Variants in PHACTR3 observed in about 807,000 individuals in gnomAD.
The protein encoded by PHACTR3 is protein phosphatase 1, regulatory subunit 123.
Under a neutral mutation model 66.8 loss-of-function variants are expected in PHACTR3, and 16 were observed. The ratio of observed to expected loss-of-function variants is 0.24; its 90% confidence interval spans 0.16 to 0.36. The LOEUF is 0.36. Among genes scored for constraint, PHACTR3 ranks in the 10% least tolerant of loss-of-function variants. The pLI is 1.00. For missense variants in PHACTR3, 647 were observed against 719.9 expected, an observed-to-expected ratio of 0.90 and a Z score of 1.16; for synonymous variants, 323 against 292.1, an observed-to-expected ratio of 1.11 and a Z score of -1.08.
At position 59,757,356 on chromosome 20, in the gene PHACTR3, G is replaced by A. The variant is rs138810750; in HGVS notation, c.541+1992G>A. ...TGGGTGTGCGGATGGGTTCCTGAGA[G>A]CAGAGTGGGTCTGTTGAGATTACAC... On this transcript the variant is annotated intron_variant, in intron 4 of 12. Coordinates refer to ENST00000371015, the MANE Select transcript of PHACTR3 (RefSeq NM_080672.5). Among the ~76,000 whole-genome samples the A allele has an allele frequency of 3.1e-4, 48 of 152,396 alleles. 1 individual carries two copies. In the East Asian group the frequency reaches 6.9e-3, roughly 22 times the overall value.
chr20:59,820,763 G>C lies in PHACTR3; in HGVS notation c.1328+14569G>C, dbSNP rs1387515726. Among the ~76,000 whole-genome samples, 2 of 152,186 alleles carry C rather than the reference G, an allele frequency of 1.3e-5. No homozygotes were observed. The highest frequency in any genetic ancestry group is 2.9e-5 in the Non-Finnish European group (2 of 68,036). ...GAGGATGGTACAGCATGTTTTGTAA[G>C]AAAATGCAAAACAACATCAACCCCC... On this transcript the variant is annotated intron_variant, in intron 8 of 12. Coordinates refer to ENST00000371015, the MANE Select transcript of PHACTR3 (RefSeq NM_080672.5). The surrounding 1 kb of genome is among the most constrained non-coding windows in gnomAD (Gnocchi z 4.6).
intron 1 of PHACTR3, among the ~76,000 whole-genome samples, chr20:59,635,097 C>CTT (rs2034800355): frequency 9.0e-5 from 11 of 122,738 alleles, no homozygotes; most frequent in East Asian, 2.5e-4. Flanking sequence ...TTCTTTCTTT[C>CTT]TCTCTCTTTC....
chr20:59,786,842 C>T (rs552732429), intron 7 of PHACTR3, among the ~76,000 whole-genome samples: 6 of 152,258 alleles, frequency 3.9e-5, no homozygotes, highest in East Asian at 3.9e-4. Flanking sequence ...GTCCATGGAG[C>T]GCTCTCTGTG....
intron 9 of PHACTR3, 75 bp from the exon 10 acceptor site, chr20:59,840,294 T>C (rs1400996309): frequency 1.3e-6 from 2 of 1,552,458 alleles, no homozygotes; most frequent in Non-Finnish European, 8.7e-7. Flanking sequence ...TTGGGAACAC[T>C]TCCCTGCTGA....
chr20:59,797,467 T>TA (rs1207798820), intron 7 of PHACTR3, among the ~76,000 whole-genome samples: 1 of 152,178 alleles, frequency 6.6e-6, no homozygotes, highest in Non-Finnish European at 1.5e-5. Context: ...TCTTCTAATT[T>TA]TACAGATTGG....
At chr20:59,601,061 A>T (rs911613682), upstream of PHACTR3, among the ~76,000 whole-genome samples, 4 of 152,134 alleles carry the variant, frequency 2.6e-5, no homozygotes, top group African/African-American at 4.8e-5. Flanking sequence ...AACCATCACC[A>T]TAATCTAATT....
chr20:59,626,255 CT>C (rs1385868247), intron 1 of PHACTR3, among the ~76,000 whole-genome samples: 1 of 152,154 alleles, frequency 6.6e-6, no homozygotes, highest in Non-Finnish European at 1.5e-5. Context: ...ATGTCTCTGC[CT>C]TCATGGAATG....
At chr20:59,723,964 T>C (rs1009577850) in intron 1 of PHACTR3, among the ~76,000 whole-genome samples, 2 of 152,100 alleles carry the variant, frequency 1.3e-5, no homozygotes, top group African/African-American at 2.4e-5. Context: ...GTTGGCTGCC[T>C]GGTCTGCATC....
chr20:59,629,498 C>T (rs577530614), intron 1 of PHACTR3, among the ~76,000 whole-genome samples: 1 of 152,198 alleles, frequency 6.6e-6, no homozygotes, highest in Non-Finnish European at 1.5e-5. Flanking sequence ...ATCAAGGTGC[C>T]AGCAGGGCGG....
chr20:59,578,423 A>G (rs1423311914), intron 1 of PHACTR3, among the ~76,000 whole-genome samples: 2 of 152,174 alleles, frequency 1.3e-5, no homozygotes, highest in Non-Finnish European at 2.9e-5. Context: ...CACTTATTAC[A>G]GATTGTTCCA....
At chr20:59,810,882 AG>A (rs1197051113) in intron 8 of PHACTR3, among the ~76,000 whole-genome samples, 2 of 152,168 alleles carry the variant, frequency 1.3e-5, no homozygotes, top group African/African-American at 4.8e-5. Context: ...CCTGCACGGT[AG>A]GTGTGCACTG....
At chr20:59,647,482 C>A (rs1393946460) in intron 1 of PHACTR3, among the ~76,000 whole-genome samples, 2 of 152,132 alleles carry the variant, frequency 1.3e-5, no homozygotes, top group African/African-American at 4.8e-5. Flanking sequence ...TGGTGCAGGG[C>A]AGCAGGTGGC....
intron 7 of PHACTR3, among the ~76,000 whole-genome samples, chr20:59,782,559 GAGGTTTAATGGACTTAC>G (rs1379065268): frequency 5.3e-5 from 8 of 152,194 alleles, no homozygotes; most frequent in African/African-American, 1.7e-4. Flanking sequence ...GCCAGAAAAA[GAGGTTTAATGGACTTAC>G]AGTTGCACCT....
intron 1 of PHACTR3, among the ~76,000 whole-genome samples, chr20:59,584,533 A>G (rs1315717888): frequency 6.6e-6 from 1 of 151,998 alleles, no homozygotes; most frequent in African/African-American, 2.4e-5. Context: ...GTGCATGCAC[A>G]AGTGTGTGCA....
chr20:59,785,347 C>G (rs1435718269), intron 7 of PHACTR3, among the ~76,000 whole-genome samples: 2 of 152,186 alleles, frequency 1.3e-5, no homozygotes, highest in African/African-American at 4.8e-5. Context: ...CTCTTGCAAC[C>G]TCCTTTAACC....
chr20:59,772,587 C>A (rs1182485), intron 5 of PHACTR3, among the ~76,000 whole-genome samples: 2 of 152,116 alleles, frequency 1.3e-5, no homozygotes, highest in African/African-American at 4.8e-5. Flanking sequence ...TCAGGTTGGA[C>A]GGAGTGTGGT....
At chr20:59,670,799 A>G (rs547483019) in intron 1 of PHACTR3, among the ~76,000 whole-genome samples, 120 of 152,312 alleles carry the variant, frequency 7.9e-4, no homozygotes, top group African/African-American at 1.8e-3. Flanking sequence ...TTACAGGTCC[A>G]TAGACCCAGA....
At chr20:59,632,606 C>G (rs2146396473) in intron 1 of PHACTR3, among the ~76,000 whole-genome samples, 1 of 152,314 alleles carries the variant, frequency 6.6e-6, no homozygotes, top group Non-Finnish European at 1.5e-5. Flanking sequence ...ATCCCTGGAT[C>G]CAGCGTGTGT....
chr20:59,747,664 G>T, intron 2 of PHACTR3, 94 bp from the exon 3 acceptor site: 1 of 1,430,400 alleles, frequency 7.0e-7, no homozygotes, highest in Non-Finnish European at 9.6e-7. Context: ...AGTGTTTTTG[G>T]TCTGTAAACT....
Sources: allele counts gnomAD v4.1 joint callset (sites outside exome capture counted in the v4.1 genomes callset), GRCh38; gene constraint gnomAD v4.1.1; non-coding constraint Gnocchi (gnomAD v3.1); transcripts MANE v1.5; gene names NCBI Gene and HGNC (gene_info 2026-07-23, HGNC 2026-07-21).